Variants in ANKRD12 observed in about 807,000 individuals in gnomAD.
The protein encoded by ANKRD12 is ankyrin repeat domain-containing protein 12.
In ANKRD12, 85 loss-of-function variants were observed where a neutral mutation model predicts 183.4. The observed-to-expected ratio is 0.46, with a 90% CI of 0.39 to 0.56. ANKRD12 has a LOEUF of 0.56. Ranked by LOEUF, ANKRD12 falls within the 20% of genes least tolerant of loss-of-function variation. The probability of loss-of-function intolerance (pLI) is 0.00; values close to 1 mark genes in which losing one functional copy is unlikely to be tolerated. For synonymous variants in ANKRD12, 914 were observed against 800.2 expected, an observed-to-expected ratio of 1.14 and a Z score of -2.40; for missense variants, 2,405 against 2,357.1, an observed-to-expected ratio of 1.02 and a Z score of -0.42.
chr18:9,142,897 G>C (rs1317770292), intron 1 of ANKRD12, among the ~76,000 whole-genome samples: 1 of 151,632 alleles, frequency 6.6e-6, no homozygotes, highest in Non-Finnish European at 1.5e-5. Flanking sequence ...AAAAAAATTA[G>C]TTGTAATGGT....
intron 2 of ANKRD12, among the ~76,000 whole-genome samples, chr18:9,189,057 G>A (rs949562481): frequency 6.6e-6 from 1 of 152,088 alleles, no homozygotes; most frequent in African/African-American, 2.4e-5. Flanking sequence ...TCTTGTGCCA[G>A]TTAACCAAGA....
Position 9,231,052 on chromosome 18 carries a change from A to T in ANKRD12, c.943+9053A>T, listed in dbSNP as rs1209697449. 5.9e-5 allele frequency among the ~76,000 whole-genome samples: 9 copies of T among 151,838 alleles called. No individual in the cohort carries two copies. The East Asian group carries it at 1.7e-3, about 29-fold the overall frequency. On this transcript the variant is annotated intron_variant, in intron 8 of 12. Transcript: ENST00000262126. Reference sequence around the variant, plus strand: ...GTGGTCGTTCATGAGCATATTGTTTAATTTTTGTGTATTTGTATAGTGTTC... The same window carrying T: ...GTGGTCGTTCATGAGCATATTGTTTTATTTTTGTGTATTTGTATAGTGTTC...
intron 8 of ANKRD12, among the ~76,000 whole-genome samples, chr18:9,238,037 C>T (rs2037447827): frequency 6.6e-6 from 1 of 152,174 alleles, no homozygotes; most frequent in African/African-American, 2.4e-5. Flanking sequence ...CTGCCAGACC[C>T]CTCAGTGGTA....
intron 11 of ANKRD12, among the ~76,000 whole-genome samples, chr18:9,278,348 T>C (rs1022348798): frequency 7.2e-5 from 11 of 152,314 alleles, no homozygotes; most frequent in East Asian, 1.9e-4. Context: ...TACTCTCTTA[T>C]CACTTCTTCC....
At chr18:9,263,515 C>G (rs999833943) in intron 9 of ANKRD12, among the ~76,000 whole-genome samples, 1 of 152,142 alleles carries the variant, frequency 6.6e-6, no homozygotes, top group Non-Finnish European at 1.5e-5. Context: ...CTGTCACTTA[C>G]TGATGATCTA....
chr18:9,223,771 C>CT lies in ANKRD12; in HGVS notation c.943+1775dup, dbSNP rs574060257. Reference sequence around the variant, plus strand: ...CAGAATACTGAATACTAGTTGGAAACTTTAAGTTTTTTCAGCACATGCAGT... The same window carrying CT: ...CAGAATACTGAATACTAGTTGGAAACTTTTAAGTTTTTTCAGCACATGCAGT... On this transcript the variant is annotated intron_variant, in intron 8 of 12. Transcript: ENST00000262126. 3.6e-3 allele frequency among the ~76,000 whole-genome samples: 542 copies of CT among 152,072 alleles called. 4 individuals are homozygous for CT. The highest frequency in any genetic ancestry group is 0.013 in the African/African-American group (521 of 41,480).
Position 9,255,480 on chromosome 18 carries a change from A to G in ANKRD12, c.2213A>G (p.Glu738Gly). ...KNIKDDKSTKEKHVSKERNFK... is the reference protein window; with the variant it reads ...KNIKDDKSTKGKHVSKERNFK... Reference sequence around the variant, plus strand: ...ATCAAAGATGATAAATCAACCAAGGAAAAGCATGTGTCAAAAGAGAGGAAC... The same window carrying G: ...ATCAAAGATGATAAATCAACCAAGGGAAAGCATGTGTCAAAAGAGAGGAAC... The change falls in exon 9 of 13, where the codon GAA becomes GGA. Residue 738 changes from glutamate to glycine, a missense_variant. Transcript: ENST00000262126. 6.4e-7 allele frequency: 1 copy of G among 1,568,772 alleles called. No homozygotes were observed. Among genetic ancestry groups the G allele is most frequent in the Non-Finnish European group, 8.6e-7 (1 of 1,166,396 alleles).
intron 3 of ANKRD12, among the ~76,000 whole-genome samples, chr18:9,201,191 G>GC (rs1157079107): frequency 1.3e-5 from 2 of 152,140 alleles, no homozygotes; most frequent in African/African-American, 4.8e-5. Flanking sequence ...TATAATATCT[G>GC]CCCCCATATA....
chr18:9,148,052 C>T (rs1314726466), intron 1 of ANKRD12, among the ~76,000 whole-genome samples: 1 of 152,142 alleles, frequency 6.6e-6, no homozygotes, highest in Non-Finnish European at 1.5e-5. Flanking sequence ...TTAGATTCTA[C>T]TTTTCAACAT....
At chr18:9,138,614 A>G (rs1413258160) in intron 1 of ANKRD12, among the ~76,000 whole-genome samples, 1 of 152,242 alleles carries the variant, frequency 6.6e-6, no homozygotes, top group South Asian at 2.1e-4. Flanking sequence ...TAATCGTTAT[A>G]CAAAGCCTTT....
chr18:9,195,802 ATTTG>A, intron 3 of ANKRD12, 104 bp downstream of exon 3: 5 of 1,049,404 alleles, frequency 4.8e-6, no homozygotes, highest in Non-Finnish European at 6.6e-6. Context: ...ATAGAGAAAT[ATTTG>A]TATTTCACTA....
At chr18:9,185,795 AAG>A (rs1279541223) in intron 2 of ANKRD12, among the ~76,000 whole-genome samples, 1 of 152,166 alleles carries the variant, frequency 6.6e-6, no homozygotes, top group African/African-American at 2.4e-5. Flanking sequence ...GGCTAAAGGG[AAG>A]AGAGAGTCTG....
chr18:9,180,217 C>T (rs11877843), intron 1 of ANKRD12, among the ~76,000 whole-genome samples: 16,815 of 152,030 alleles, frequency 0.11, 1,088 homozygotes, highest in African/African-American at 0.16. Context: ...TATATAATGT[C>T]CCTCTTCGTT....
In ANKRD12 at chr18:9,255,751, TAAAGA is replaced by T; in HGVS notation, c.2489_2493del (p.Glu830GlyfsTer3). On this transcript the variant is annotated frameshift_variant, in exon 9 of 13. Coordinates refer to ENST00000262126, the MANE Select transcript of ANKRD12 (RefSeq NM_015208.5). LOFTEE classifies it high-confidence loss of function. Reference sequence around the variant, plus strand: ...AAAAACCTGAGAAGCGATCTCAAATTAAAGAAAAGGACATTGAGAAGATGGAAAGA... The same window carrying T: ...AAAAACCTGAGAAGCGATCTCAAATTAAAGGACATTGAGAAGATGGAAAGA... The T allele has an allele frequency of 6.3e-7, 1 of 1,584,648 alleles. No homozygotes were observed. Among genetic ancestry groups the T allele is most frequent in the African/African-American group, 1.4e-5 (1 of 72,674 alleles).
intron 6 of ANKRD12, among the ~76,000 whole-genome samples, chr18:9,213,892 C>G (rs1379889889): frequency 6.6e-6 from 1 of 151,804 alleles, no homozygotes; most frequent in Non-Finnish European, 1.5e-5. Context: ...TCTAATCAAG[C>G]TTACTAATAT....
intron 5 of ANKRD12, among the ~76,000 whole-genome samples, 194 bp from the exon 6 acceptor site, chr18:9,211,390 T>C (rs1194111834): frequency 6.6e-6 from 1 of 152,102 alleles, no homozygotes; most frequent in Admixed American, 6.5e-5. Flanking sequence ...TGGCTAATGA[T>C]ATTTGATAAC....
In ANKRD12 at chr18:9,256,744, TGTAA is replaced by T; in HGVS notation, c.3482_3485del (p.Ser1161ThrfsTer11). On this transcript the variant is annotated frameshift_variant, in exon 9 of 13. Transcript: ENST00000262126. LOFTEE classifies it high-confidence loss of function. Reference sequence around the variant, plus strand: ...CCAAGGAGAAACAACCTAAAGATGCTGTAAGTAACAGATCACAATCTGTTGACAC... The same window carrying T: ...CCAAGGAGAAACAACCTAAAGATGCTGTAACAGATCACAATCTGTTGACAC... The T allele has an allele frequency of 1.9e-6, 3 of 1,613,054 alleles. No individual in the cohort carries two copies. Among genetic ancestry groups the T allele is most frequent in the Non-Finnish European group, 2.5e-6 (3 of 1,179,696 alleles).
At chr18:9,154,413 A>C (rs909362570) in intron 1 of ANKRD12, among the ~76,000 whole-genome samples, 4 of 152,144 alleles carry the variant, frequency 2.6e-5, no homozygotes, top group Non-Finnish European at 4.4e-5. Context: ...TCCTGTCTCA[A>C]TAAATGAATG....
intron 8 of ANKRD12, among the ~76,000 whole-genome samples, chr18:9,253,300 A>G (rs540607966): frequency 7.5e-4 from 114 of 152,260 alleles, no homozygotes; most frequent in African/African-American, 2.5e-3. Flanking sequence ...AATTTATTCT[A>G]TCTAACTGTA....
Sources: gnomAD v4.1 joint callset for allele counts (sites outside exome capture counted in the v4.1 genomes callset) on GRCh38, gnomAD v4.1.1 for gene constraint, MANE v1.5 for transcripts, NCBI Gene and HGNC (gene_info 2026-07-23, HGNC 2026-07-21) for gene names.